Variants in NEK11 observed in about 807,000 individuals in gnomAD.
NEK11 encodes serine/threonine-protein kinase Nek11.
In NEK11, 72 loss-of-function variants were observed where a neutral mutation model predicts 80.7. The ratio of observed to expected loss-of-function variants is 0.89; its 90% CI spans 0.74 to 1.08. The LOEUF is 1.08. NEK11 is among the 50% of genes least tolerant of loss of function. The probability of loss-of-function intolerance (pLI) is 0.00; values close to 1 mark genes in which losing one functional copy is unlikely to be tolerated. For missense variants in NEK11, 764 were observed against 763.6 expected (o/e 1.00, Z -0.01); for synonymous variants, 251 against 260.7 (o/e 0.96, Z 0.36).
chr3:131,207,116 A>G (rs1163898869), intron 14 of NEK11, among the ~76,000 whole-genome samples: 1 of 152,228 alleles, frequency 6.6e-6, no homozygotes, highest in African/African-American at 2.4e-5. Flanking sequence ...GAATAGTGCC[A>G]CAATAAACAT....
rs1011731820 is a variant in NEK11, at chr3:131,048,431, A to G, written c.170+18553A>G. ...GGACCCCTGTGAGACAAAGTCAGAAACGGCTTCGCTGGGGACCAAGAGTGC... is the reference window on the plus strand; with the variant it reads ...GGACCCCTGTGAGACAAAGTCAGAAGCGGCTTCGCTGGGGACCAAGAGTGC... On this transcript the variant is annotated intron_variant, in intron 3 of 17. Transcript: ENST00000383366. Among the ~76,000 whole-genome samples the G allele has an allele frequency of 2.6e-5, 4 of 152,326 alleles. No individual in the cohort carries two copies. In the East Asian group the frequency reaches 5.8e-4, roughly 22 times the overall value.
intron 15 of NEK11, among the ~76,000 whole-genome samples, chr3:131,230,324 C>G (rs2095305884): frequency 6.6e-6 from 1 of 152,104 alleles, no homozygotes; most frequent in Admixed American, 6.6e-5. Flanking sequence ...GCTTGCATGT[C>G]TTTATAACTT....
intron 7 of NEK11, among the ~76,000 whole-genome samples, chr3:131,150,794 C>G (rs1464930704): frequency 6.6e-6 from 1 of 151,478 alleles, no homozygotes; most frequent in African/African-American, 2.4e-5. Flanking sequence ...CTCTTTATTT[C>G]TTCTTGTACT....
At chr3:131,080,194 G>T (rs1458941486) in intron 3 of NEK11, among the ~76,000 whole-genome samples, 2 of 152,022 alleles carry the variant, frequency 1.3e-5, no homozygotes, top group Non-Finnish European at 2.9e-5. Flanking sequence ...TTCCATGGCT[G>T]CCCTTATAGA....
chr3:131,174,294 C>T (rs1036131229), intron 14 of NEK11, among the ~76,000 whole-genome samples: 2 of 152,124 alleles, frequency 1.3e-5, no homozygotes, highest in African/African-American at 2.4e-5. Context: ...AATTTTGAAA[C>T]ATGAGACTTA....
At chr3:131,236,228 G>C (rs912958505) in intron 15 of NEK11, among the ~76,000 whole-genome samples, 1 of 152,120 alleles carries the variant, frequency 6.6e-6, no homozygotes, top group Non-Finnish European at 1.5e-5. Context: ...CAAGTGGAAG[G>C]ATTGATTAGA....
intron 3 of NEK11, among the ~76,000 whole-genome samples, chr3:131,033,376 G>A (rs565105576): frequency 6.6e-6 from 1 of 152,118 alleles, no homozygotes; most frequent in East Asian, 1.9e-4. Flanking sequence ...CTTCTATAAT[G>A]GTATGAATGC....
At chr3:131,213,945 T>C (rs936653836) in intron 14 of NEK11, among the ~76,000 whole-genome samples, 1 of 152,148 alleles carries the variant, frequency 6.6e-6, no homozygotes, top group Non-Finnish European at 1.5e-5. Flanking sequence ...ATTAGTTCCG[T>C]TGTAAGTAGA....
intron 14 of NEK11, among the ~76,000 whole-genome samples, chr3:131,227,563 C>G (rs1026611602): frequency 6.6e-6 from 1 of 152,058 alleles, no homozygotes; most frequent in South Asian, 2.1e-4. Flanking sequence ...CATATTTTTC[C>G]CACTAGACCA....
At chr3:131,122,450 C>G (rs1184724570) in intron 5 of NEK11, among the ~76,000 whole-genome samples, 1 of 152,202 alleles carries the variant, frequency 6.6e-6, no homozygotes, top group Non-Finnish European at 1.5e-5. Context: ...TGACTTACAA[C>G]ATAGAGGACT....
chr3:131,283,821 G>A (rs77215081), intron 17 of NEK11, among the ~76,000 whole-genome samples: 39 of 152,184 alleles, frequency 2.6e-4, no homozygotes, highest in East Asian at 2.5e-3. Flanking sequence ...AAGTTTGTAC[G>A]TAACAAAAGC....
chr3:131,227,198 A>T (rs1053123101), intron 14 of NEK11, among the ~76,000 whole-genome samples: 5 of 152,118 alleles, frequency 3.3e-5, no homozygotes, highest in African/African-American at 9.7e-5. Flanking sequence ...ACTGTACAGC[A>T]GCCTTTTATG....
At chr3:131,085,171 C>T (rs2075807290) in intron 4 of NEK11, among the ~76,000 whole-genome samples, 1 of 152,210 alleles carries the variant, frequency 6.6e-6, no homozygotes, top group Admixed American at 6.5e-5. Flanking sequence ...ATATATGTCT[C>T]CTCTAATAGG....
intron 17 of NEK11, among the ~76,000 whole-genome samples, chr3:131,314,169 G>T (rs1378156948): frequency 1.3e-5 from 2 of 148,396 alleles, no homozygotes; most frequent in Admixed American, 1.4e-4. Context: ...CATTAAGGAA[G>T]TTGTAGAATA....
At chr3:131,052,681 T>G (rs1207910290) in intron 3 of NEK11, among the ~76,000 whole-genome samples, 1 of 152,140 alleles carries the variant, frequency 6.6e-6, no homozygotes, top group African/African-American at 2.4e-5. Flanking sequence ...GAGCAGAAAT[T>G]ATGTTGTAAA....
intron 7 of NEK11, among the ~76,000 whole-genome samples, chr3:131,136,585 A>G (rs1012881698): frequency 3.3e-5 from 5 of 152,196 alleles, no homozygotes; most frequent in Non-Finnish European, 7.4e-5. Context: ...TTATGTTTTC[A>G]TCTGTAATGT....
chr3:131,051,136 TCAA>T (rs1471703504), intron 3 of NEK11, among the ~76,000 whole-genome samples: 1 of 152,230 alleles, frequency 6.6e-6, no homozygotes, highest in Non-Finnish European at 1.5e-5. Context: ...TTAAAAATAA[TCAA>T]CAAGTTTTAA....
At position 131,133,850 on chromosome 3, in the gene NEK11, C is replaced by A; in HGVS notation, c.541C>A (p.Leu181Ile). Residue 181 changes from leucine to isoleucine, a missense_variant, in exon 7 of 18, where the codon CTT becomes ATT. By Grantham distance (5) the Leu-to-Ile change is conservative. Transcript: ENST00000383366. Reference sequence around the variant, plus strand: ...TCAAGGAGATTTTGGAGTTTCTCGACTTCTAATGGGATCCTGTGACCTGGC... The same window carrying A: ...TCAAGGAGATTTTGGAGTTTCTCGAATTCTAATGGGATCCTGTGACCTGGC... ...LKIGDFGVSR[L>I]LMGSCDLATT... The A allele has an allele frequency of 6.2e-7, 1 of 1,611,950 alleles. No individual in the cohort carries two copies. Among genetic ancestry groups the A allele is most frequent in the Non-Finnish European group, 8.5e-7 (1 of 1,178,632 alleles).
At chr3:131,151,255 A>G (rs1281534648) in intron 7 of NEK11, among the ~76,000 whole-genome samples, 1 of 152,046 alleles carries the variant, frequency 6.6e-6, no homozygotes. Context: ...TGGGAAAAAT[A>G]TTACACGGGC....
Sources: gnomAD v4.1 joint callset for allele counts (sites outside exome capture counted in the v4.1 genomes callset) on GRCh38, gnomAD v4.1.1 for gene constraint, MANE v1.5 for transcripts, NCBI Gene and HGNC (gene_info 2026-07-23, HGNC 2026-07-21) for gene names.